The following ARHGAP32 variants were observed in gnomAD, a reference collection of about 807,000 sequenced individuals.
ARHGAP32 encodes the protein rho GTPase-activating protein 32.
In ARHGAP32, 51 loss-of-function variants were observed where a neutral mutation model predicts 186.5. That is an observed-to-expected ratio of 0.27 (90% CI 0.22 to 0.35). The LOEUF is 0.35. Ranked by LOEUF, ARHGAP32 falls within the 10% of genes least tolerant of loss-of-function variation. The pLI is 1.00. For synonymous variants in ARHGAP32, 950 were observed against 964.3 expected (o/e 0.99, Z 0.27); for missense variants, 2,186 against 2,623.5 (o/e 0.83, Z 3.64).
chr11:129,278,237 G>C (rs1945557850), intron 1 of ARHGAP32, among the ~76,000 whole-genome samples: 1 of 152,256 alleles, frequency 6.6e-6, no homozygotes, highest in African/African-American at 2.4e-5. Context: ...CCAGCTGCCA[G>C]CTAGCCATGT....
intron 6 of ARHGAP32, among the ~76,000 whole-genome samples, chr11:129,086,289 G>T (rs1941391685): frequency 6.6e-6 from 1 of 152,040 alleles, no homozygotes; most frequent in African/African-American, 2.4e-5. Flanking sequence ...ACTCAAAATG[G>T]ATCACAGACT....
In ARHGAP32 at chr11:128,969,083, G is replaced by A; in HGVS notation, c.6130C>T (p.His2044Tyr). The change falls in exon 23 of 23, where the codon CAC becomes TAC. Residue 2044 changes from histidine to tyrosine, a missense_variant. Transcript: ENST00000682385. This position sits in a 1 kb window ranked among gnomAD's most constrained non-coding sequence, Gnocchi z 4.8. ...CCTCGCTGGTGCTGAGGCAGGGAGTGGTAATCTTCCAGGTTATCATACTGG... is the reference window on the plus strand; with the variant it reads ...CCTCGCTGGTGCTGAGGCAGGGAGTAGTAATCTTCCAGGTTATCATACTGG... ...VSQYDNLEDY[H>Y]SLPQHQRGVF... is the part of the protein sequence containing the mutation. 6.2e-7 allele frequency: 1 copy of A among 1,608,190 alleles called. No individual in the cohort carries two copies. Among genetic ancestry groups the A allele is most frequent in the Non-Finnish European group, 8.5e-7 (1 of 1,175,892 alleles).
chr11:129,066,702 C>T (rs777129321), intron 7 of ARHGAP32, 29 bp downstream of exon 7: 1 of 1,604,584 alleles, frequency 6.2e-7, no homozygotes, highest in East Asian at 2.2e-5. Flanking sequence ...ATAGTGATTA[C>T]CTCTGTACTA....
intron 12 of ARHGAP32, among the ~76,000 whole-genome samples, chr11:128,995,536 A>G (rs1422834177): frequency 6.6e-6 from 1 of 152,210 alleles, no homozygotes; most frequent in Non-Finnish European, 1.5e-5. Flanking sequence ...AACAGCTTCA[A>G]CATTTATAGA....
chr11:129,201,169 T>G (rs1565467045), intron 1 of ARHGAP32, among the ~76,000 whole-genome samples: 1 of 152,172 alleles, frequency 6.6e-6, no homozygotes, highest in African/African-American at 2.4e-5. Flanking sequence ...GGATATTAAG[T>G]GGAAATTTCA....
In ARHGAP32 at chr11:128,972,487, G is replaced by A. The variant is rs1472376452; in HGVS notation, c.4019C>T (p.Ala1340Val). ...ATTATTTAATCCTATATTGGTTGCT[G>A]CTTGTACCTGCCCCACAACTGGTGG... ...EQPPVVGQVQ[A>V]ATNIGLNNSH... The change falls in exon 22 of 23, where the codon GCA (alanine) becomes GTA (valine). Residue 1340 changes from alanine (A) to valine (V), a missense_variant. Ala to Val is a moderately conservative substitution (Grantham distance 64). This residue lies in a region of ARHGAP32 where 1,502 missense variants were observed against 1,570.0 expected (regional missense o/e 0.96). Coordinates refer to ENST00000682385, the MANE Select transcript of ARHGAP32 (RefSeq NM_001378024.1). The A allele has an allele frequency of 2.0e-6, 3 of 1,526,696 alleles. No individual in the cohort carries two copies. Among genetic ancestry groups the A allele is most frequent in the East Asian group, 2.3e-5 (1 of 44,146 alleles). The allele number at this position is 1,526,696 out of a possible 1,614,324, so 94.6% of individuals were successfully genotyped here. A position where few individuals can be genotyped will look rare whatever the true frequency, so the allele number is the denominator to read the frequency against.
intron 1 of ARHGAP32, among the ~76,000 whole-genome samples, chr11:129,227,335 T>C (rs1186554907): frequency 6.6e-6 from 1 of 151,734 alleles, no homozygotes. Context: ...AAGAATGCCA[T>C]AACGGAGGAA....
intron 2 of ARHGAP32, 54 bp downstream of exon 2, chr11:129,164,265 G>A: frequency 9.1e-7 from 1 of 1,102,218 alleles, no homozygotes; most frequent in East Asian, 2.6e-5. Context: ...CCTTATATAA[G>A]TGCTATATAT....
At position 129,240,287 on chromosome 11, in the gene ARHGAP32, C is replaced by A. The variant is rs754659532; in HGVS notation, c.-5+38859G>T. ...AGTCAGACTGCCTCGGATTCCAATT[C>A]CATTTCTAGCACTTACTAGCTATAT... On this transcript the variant is annotated intron_variant, in intron 1 of 6. Coordinates refer to the ARHGAP32 transcript ENST00000525234. Among the ~76,000 whole-genome samples the A allele has an allele frequency of 3.9e-4, 60 of 152,040 alleles. 1 individual carries two copies. The highest frequency in any genetic ancestry group is 7.4e-5 in the Non-Finnish European group (5 of 67,994).
chr11:129,158,990 A>G (rs768607052), intron 2 of ARHGAP32, among the ~76,000 whole-genome samples: 3 of 152,258 alleles, frequency 2.0e-5, no homozygotes, highest in Non-Finnish European at 4.4e-5. Context: ...GCAGAAATAA[A>G]TAAGTTCTTT....
rs1168373369 is a variant in ARHGAP32, at chr11:129,086,816, A to G, written c.531+6805T>C. Among the ~76,000 whole-genome samples the G allele has an allele frequency of 1.1e-3, 150 of 134,198 alleles. 1 individual carries two copies. Among genetic ancestry groups the G allele is most frequent in the Middle Eastern group, 3.7e-3 (1 of 270 alleles). 88.0% of individuals were successfully genotyped at this position (134,198 alleles called of 152,430 possible). A position where few individuals can be genotyped will look rare whatever the true frequency, so the allele number is the denominator to read the frequency against. On this transcript the variant is annotated intron_variant, in intron 6 of 22. Coordinates refer to ENST00000682385, the MANE Select transcript of ARHGAP32 (RefSeq NM_001378024.1). Reference sequence around the variant, plus strand: ...AGCCTGGGCGACAGAGTGAGACTCCATCTCAAAAAAAAAAAAAAAAAAGAC... The same window carrying G: ...AGCCTGGGCGACAGAGTGAGACTCCGTCTCAAAAAAAAAAAAAAAAAAGAC...
chr11:129,057,090 CTGGCTGACCGAGG>C (rs1319009163), intron 10 of ARHGAP32, among the ~76,000 whole-genome samples: 2 of 152,208 alleles, frequency 1.3e-5, no homozygotes, highest in Non-Finnish European at 2.9e-5. Flanking sequence ...GCCAGGCGAG[CTGGCTGACCGAGG>C]TGCATGCTGT....
chr11:129,063,841 C>G, intron 9 of ARHGAP32, 61 bp downstream of exon 9: 2 of 1,532,550 alleles, frequency 1.3e-6, no homozygotes, highest in South Asian at 2.6e-5. Flanking sequence ...TAAGAACAGT[C>G]AAAGATGAGG....
At chr11:129,209,632 T>C (rs1167283886) in intron 1 of ARHGAP32, among the ~76,000 whole-genome samples, 3 of 149,958 alleles carry the variant, frequency 2.0e-5, no homozygotes, top group African/African-American at 7.4e-5. Flanking sequence ...TTCTCAAAAC[T>C]GAAACACTGG....
At chr11:129,025,031 T>C (rs1414925606) in intron 11 of ARHGAP32, among the ~76,000 whole-genome samples, 1 of 152,190 alleles carries the variant, frequency 6.6e-6, no homozygotes, top group East Asian at 1.9e-4. Context: ...CCAATGACTT[T>C]TTACTAATAT....
intron 11 of ARHGAP32, among the ~76,000 whole-genome samples, chr11:129,035,173 C>CCTCTCTCTCT (rs71057921): frequency 0.01 from 1,490 of 148,600 alleles, 17 homozygotes; most frequent in Non-Finnish European, 0.014. Context: ...TGTTTCCTCT[C>CCTCTCTCTCT]CTCTCTCTCT....
intron 2 of ARHGAP32, among the ~76,000 whole-genome samples, chr11:129,142,425 A>G (rs1250037147): frequency 6.6e-6 from 1 of 152,190 alleles, no homozygotes; most frequent in Non-Finnish European, 1.5e-5. Flanking sequence ...TCATTTACAT[A>G]AAACGCTCTC....
Position 129,208,055 on chromosome 11 carries a change from A to C in ARHGAP32, c.-4-43628T>G, listed in dbSNP as rs142722617. On this transcript the variant is annotated intron_variant, in intron 1 of 6. Transcript: ENST00000525234. ...TATGACTATTACTAAGATTCCACCT[A>C]GTATGTTTGCCACTCTGATTCATTC... Among the ~76,000 whole-genome samples the C allele has an allele frequency of 2.6e-5, 4 of 152,282 alleles. No homozygotes were observed. In the East Asian group the frequency reaches 7.7e-4, roughly 29 times the overall value.
At chr11:129,172,816 T>C (rs889803855) in intron 1 of ARHGAP32, among the ~76,000 whole-genome samples, 9 of 152,094 alleles carry the variant, frequency 5.9e-5, no homozygotes, top group Non-Finnish European at 1.2e-4. Flanking sequence ...GGGAAATGTA[T>C]AGCACTAAAT....
Sources: allele counts gnomAD v4.1 joint callset (sites outside exome capture counted in the v4.1 genomes callset), GRCh38; gene constraint gnomAD v4.1.1; regional missense constraint gnomAD v4.1.1; non-coding constraint Gnocchi (gnomAD v3.1); transcripts MANE v1.5; gene names NCBI Gene and HGNC (gene_info 2026-07-23, HGNC 2026-07-21).